RSRC1: variants seen among roughly 807,000 people sequenced by gnomAD.
The protein encoded by RSRC1 is arginine and serine rich coiled-coil 1, also known as serine/Arginine-related protein 53.
Under a neutral mutation model 49.1 loss-of-function variants are expected in RSRC1, and 39 were observed. That is an observed-to-expected ratio of 0.79 (90% CI 0.61 to 1.04). RSRC1 has a LOEUF of 1.04. Among genes scored for constraint, RSRC1 ranks in the 50% least tolerant of loss-of-function variants. The pLI, the probability that RSRC1 is intolerant of heterozygous loss-of-function variation, is 0.00. For synonymous variants in RSRC1, 143 were observed against 130.8 expected (o/e 1.09, Z -0.63); for missense variants, 388 against 402.4 (o/e 0.96, Z 0.31).
rs190838374 is a variant in RSRC1 at position 158,162,283 on chromosome 3, C to T, written c.320+38292C>T. 4.6e-5 allele frequency among the ~76,000 whole-genome samples: 7 copies of T among 152,260 alleles called. 1 individual carries two copies. The highest frequency in any genetic ancestry group is 3.3e-4 in the Admixed American group (5 of 15,288). On this transcript the variant is annotated intron_variant, in intron 3 of 9. Coordinates refer to ENST00000611884, the MANE Select transcript of RSRC1 (RefSeq NM_001271838.2). ...CTGGAGACTAAATGACATCAACTGA[C>T]GCTGTACTGAGCTCTGGAAGTCTTT... is the stretch of plus-strand genomic sequence containing the variant.
chr3:158,113,320 TAA>T (rs534746413), intron 1 of RSRC1, among the ~76,000 whole-genome samples: 4 of 151,914 alleles, frequency 2.6e-5, no homozygotes, highest in Non-Finnish European at 5.9e-5. Flanking sequence ...AGTTTATTAA[TAA>T]AAGTGTTCCT....
intron 6 of RSRC1, among the ~76,000 whole-genome samples, chr3:158,400,883 A>C (rs953684945): frequency 2.0e-5 from 3 of 151,964 alleles, no homozygotes; most frequent in Non-Finnish European, 4.4e-5. Flanking sequence ...CCGCTCATTG[A>C]CTCAACCAGA....
chr3:158,172,380 A>G (rs916622395), intron 3 of RSRC1, among the ~76,000 whole-genome samples: 1 of 152,184 alleles, frequency 6.6e-6, no homozygotes, highest in East Asian at 1.9e-4. Context: ...CTACTCAGAT[A>G]TGCATTAATA....
At chr3:158,163,677 T>C (rs1404624838) in intron 3 of RSRC1, among the ~76,000 whole-genome samples, 1 of 152,020 alleles carries the variant, frequency 6.6e-6, no homozygotes, top group Non-Finnish European at 1.5e-5. Flanking sequence ...TGTCAAGGAG[T>C]ACATCATACA....
intron 4 of RSRC1, among the ~76,000 whole-genome samples, chr3:158,265,423 G>A (rs1725114518): frequency 6.6e-6 from 1 of 152,068 alleles, no homozygotes. Flanking sequence ...CTGAGGTCAG[G>A]AGTTTGAGAC....
intron 3 of RSRC1, among the ~76,000 whole-genome samples, chr3:158,151,546 G>T (rs1244169171): frequency 6.6e-6 from 1 of 152,144 alleles, no homozygotes; most frequent in Non-Finnish European, 1.5e-5. Context: ...GTTTTTCCCA[G>T]ATATGTTCAG....
chr3:158,238,319 C>A (rs1457436589), intron 4 of RSRC1, among the ~76,000 whole-genome samples: 2 of 152,144 alleles, frequency 1.3e-5, no homozygotes, highest in African/African-American at 4.8e-5. Context: ...TCTGTGCCAT[C>A]CCCATCAAGC....
chr3:158,464,495 T>G (rs1032861247), intron 7 of RSRC1, among the ~76,000 whole-genome samples: 1 of 152,190 alleles, frequency 6.6e-6, no homozygotes, highest in Non-Finnish European at 1.5e-5. Context: ...TTCTAAATTA[T>G]TCATGGGAAT....
In RSRC1 at chr3:158,517,422, C is replaced by A. The variant is rs1740632117; in HGVS notation, c.653-19670C>A. On this transcript the variant is annotated intron_variant, in intron 7 of 9. Transcript: ENST00000611884. ...AATGGTGATAGCTAGTATCGTCATC[C>A]TGTTTGTGATCATTAAGGTATTGCT... 2.6e-5 allele frequency among the ~76,000 whole-genome samples: 4 copies of A among 152,082 alleles called. No individual in the cohort carries two copies. In the South Asian group the frequency reaches 8.3e-4, roughly 32 times the overall value.
chr3:158,144,519 T>C (rs1246563994), intron 3 of RSRC1, among the ~76,000 whole-genome samples: 1 of 152,206 alleles, frequency 6.6e-6, no homozygotes, highest in Non-Finnish European at 1.5e-5. Flanking sequence ...CACGTTTTCT[T>C]AATCCAGTCT....
chr3:158,261,072 G>A (rs1202611347), intron 4 of RSRC1, among the ~76,000 whole-genome samples: 1 of 152,168 alleles, frequency 6.6e-6, no homozygotes, highest in Non-Finnish European at 1.5e-5. Context: ...ATGCATTTTT[G>A]TGTGGATAGT....
At chr3:158,210,267 G>A (rs1721596099) in intron 4 of RSRC1, among the ~76,000 whole-genome samples, 1 of 152,058 alleles carries the variant, frequency 6.6e-6, no homozygotes, top group Non-Finnish European at 1.5e-5. Context: ...AAGCTGTGTG[G>A]TGTTGTTTTC....
At chr3:158,128,047 C>CTG (rs1553758834) in intron 3 of RSRC1, among the ~76,000 whole-genome samples, 1 of 152,302 alleles carries the variant, frequency 6.6e-6, no homozygotes, top group Non-Finnish European at 1.5e-5. Flanking sequence ...ATCCCAGTCT[C>CTG]TGTCTTTGGT....
chr3:158,198,240 A>G (rs1333818060), intron 3 of RSRC1, among the ~76,000 whole-genome samples: 1 of 152,116 alleles, frequency 6.6e-6, no homozygotes, highest in Non-Finnish European at 1.5e-5. Context: ...CTTTACCATT[A>G]TGTAATGGCC....
At chr3:158,111,227 T>C (rs1451484600) in intron 1 of RSRC1, among the ~76,000 whole-genome samples, 4 of 152,228 alleles carry the variant, frequency 2.6e-5, no homozygotes, top group Non-Finnish European at 5.9e-5. Context: ...TAAGAGCCTC[T>C]CTAGTCTTAG....
chr3:158,271,788 C>T (rs921247836), intron 4 of RSRC1, among the ~76,000 whole-genome samples: 1 of 151,898 alleles, frequency 6.6e-6, no homozygotes, highest in Non-Finnish European at 1.5e-5. Context: ...TTTAGGTGTA[C>T]AAGTCATTAT....
intron 3 of RSRC1, among the ~76,000 whole-genome samples, chr3:158,189,971 AT>A (rs975223806): frequency 2.0e-4 from 30 of 147,844 alleles, no homozygotes; most frequent in Admixed American, 2.7e-4. Context: ...CTTTTATTAC[AT>A]TTTTTTTTTC....
intron 3 of RSRC1, among the ~76,000 whole-genome samples, chr3:158,178,456 A>G (rs977171820): frequency 8.5e-5 from 13 of 152,156 alleles, no homozygotes; most frequent in African/African-American, 2.9e-4. Flanking sequence ...AAGCTATTTT[A>G]GTCTCCTATT....
intron 4 of RSRC1, among the ~76,000 whole-genome samples, chr3:158,211,266 C>G (rs983163949): frequency 6.6e-6 from 1 of 151,974 alleles, no homozygotes; most frequent in Non-Finnish European, 1.5e-5. Context: ...AATTCTGACT[C>G]ATTATGCTTT....
Sources: gnomAD v4.1 joint callset for allele counts (sites outside exome capture counted in the v4.1 genomes callset) on GRCh38, gnomAD v4.1.1 for gene constraint, MANE v1.5 for transcripts, NCBI Gene and HGNC (gene_info 2026-07-23, HGNC 2026-07-21) for gene names.